The following CBFA2T2 variants were observed in gnomAD, a reference collection of about 807,000 sequenced individuals.
CBFA2T2 encodes the protein protein CBFA2T2.
A neutral mutation model predicts 62.2 loss-of-function variants in CBFA2T2; 11 were observed. The observed-to-expected ratio is 0.18, with a 90% CI of 0.11 to 0.29. The LOEUF (loss-of-function observed/expected upper bound fraction) is 0.29. Among genes scored for constraint, CBFA2T2 ranks in the 10% least tolerant of loss-of-function variants. The pLI is 1.00. For missense variants in CBFA2T2, 592 were observed against 774.1 expected (o/e 0.76, Z 2.79); for synonymous variants, 295 against 287.5 (o/e 1.03, Z -0.27).
intron 1 of CBFA2T2, among the ~76,000 whole-genome samples, chr20:33,523,921 T>C (rs1431913706): frequency 1.3e-5 from 2 of 152,050 alleles, no homozygotes; most frequent in East Asian, 3.8e-4. Context: ...TGACCTGAGG[T>C]GATCCGCCCG....
At chr20:33,545,477 C>T (rs1004479228) in intron 1 of CBFA2T2, among the ~76,000 whole-genome samples, 8 of 151,920 alleles carry the variant, frequency 5.3e-5, no homozygotes, top group Non-Finnish European at 8.8e-5. Context: ...TTCTTTCGTT[C>T]GTTTGTTTTC....
intron 1 of CBFA2T2, among the ~76,000 whole-genome samples, chr20:33,537,530 A>AGAGCTC (rs1236127777): frequency 6.6e-6 from 1 of 152,132 alleles, no homozygotes. Context: ...AGGGAGAGGG[A>AGAGCTC]GAGCTCTTTT....
chr20:33,523,926 C>G (rs901884425), intron 1 of CBFA2T2, among the ~76,000 whole-genome samples: 2 of 152,046 alleles, frequency 1.3e-5, no homozygotes, highest in South Asian at 4.1e-4. Context: ...TGAGGTGATC[C>G]GCCCGCCTCG....
intron 2 of CBFA2T2, among the ~76,000 whole-genome samples, chr20:33,610,334 C>T (rs1426387718): frequency 6.6e-6 from 1 of 152,042 alleles, no homozygotes; most frequent in Non-Finnish European, 1.5e-5. Context: ...AAAACCATAG[C>T]TCTAGGGTTG....
At chr20:33,642,074 C>T (rs1269345218) in intron 10 of CBFA2T2, among the ~76,000 whole-genome samples, 7 of 151,054 alleles carry the variant, frequency 4.6e-5, no homozygotes, top group Non-Finnish European at 7.4e-5. Flanking sequence ...CTTTAATCCC[C>T]CTCCCTTTTC....
At chr20:33,609,372 C>T (rs763808779) in intron 2 of CBFA2T2, among the ~76,000 whole-genome samples, 20 of 151,880 alleles carry the variant, frequency 1.3e-4, no homozygotes, top group African/African-American at 3.4e-4. Context: ...TGTGGTGGTG[C>T]GTGCCTGTAA....
intron 9 of CBFA2T2, chr20:33,638,658 C>G (rs2016715273): frequency 6.6e-6 from 1 of 152,174 alleles, no homozygotes; most frequent in Non-Finnish European, 1.5e-5. Context: ...TGAGCCTGTG[C>G]CATGTGCAAG....
chr20:33,599,248 A>G (rs187303558), intron 1 of CBFA2T2, among the ~76,000 whole-genome samples: 92 of 148,484 alleles, frequency 6.2e-4, no homozygotes, highest in African/African-American at 2.2e-3. Flanking sequence ...GGCGACAGTG[A>G]GACTCTGTCT....
At chr20:33,532,171 T>C (rs1223027027) in intron 1 of CBFA2T2, among the ~76,000 whole-genome samples, 1 of 152,182 alleles carries the variant, frequency 6.6e-6, no homozygotes, top group Non-Finnish European at 1.5e-5. Context: ...CTTTTCCCCA[T>C]TTTTAGCTCC....
intron 1 of CBFA2T2, among the ~76,000 whole-genome samples, chr20:33,579,550 G>A (rs902620946): frequency 1.0e-4 from 15 of 149,034 alleles, no homozygotes; most frequent in African/African-American, 2.2e-4. Flanking sequence ...AACCCATCAC[G>A]AATCTTTTTT....
chr20:33,520,342 C>A (rs1001311621), intron 1 of CBFA2T2, among the ~76,000 whole-genome samples: 1 of 152,142 alleles, frequency 6.6e-6, no homozygotes, highest in African/African-American at 2.4e-5. Flanking sequence ...ATATATCTTT[C>A]ATTTGATTGC....
chr20:33,644,504 C>A lies in CBFA2T2; in HGVS notation c.1646C>A (p.Pro549Gln). Residue 549 changes from proline (P) to glutamine (Q), a missense_variant, in exon 11 of 11, where the codon CCG becomes CAG. Pro to Gln is a moderately conservative substitution (Grantham distance 76). Around this residue, in one of 3 missense-constraint regions of CBFA2T2, gnomAD observed 85 missense variants for 99.0 expected, o/e 0.86. Coordinates refer to ENST00000342704, the MANE Select transcript of CBFA2T2 (RefSeq NM_001032999.3). ...CAGAGCCCCCACGGCCAGGGCCGGC[C>A]GCTGCTTCCTGTAGGCAGGGGCTCC... Reference protein sequence around the residue: ...HGQSPHGQGRPLLPVGRGSSA... With the variant: ...HGQSPHGQGRQLLPVGRGSSA... 6.2e-7 allele frequency: 1 copy of A among 1,614,100 alleles called. No individual in the cohort carries two copies. Among genetic ancestry groups the A allele is most frequent in the African/African-American group, 1.3e-5 (1 of 75,074 alleles).
chr20:33,628,160 T>C (rs543616768), intron 6 of CBFA2T2, among the ~76,000 whole-genome samples, 190 bp from the exon 7 acceptor site: 1 of 152,368 alleles, frequency 6.6e-6, no homozygotes, highest in East Asian at 1.9e-4. Context: ...TTGTTGGAGT[T>C]TTTTATATAA....
chr20:33,583,843 T>G (rs779634685), intron 1 of CBFA2T2, among the ~76,000 whole-genome samples: 1 of 152,228 alleles, frequency 6.6e-6, no homozygotes, highest in Non-Finnish European at 1.5e-5. Context: ...CATGCCACAC[T>G]GTGAACTTGC....
At chr20:33,570,091 CA>C (rs2013485841) in intron 1 of CBFA2T2, among the ~76,000 whole-genome samples, 1 of 152,090 alleles carries the variant, frequency 6.6e-6, no homozygotes, top group African/African-American at 2.4e-5. Context: ...CTAGCCTATC[CA>C]AAATGGTGAA....
intron 1 of CBFA2T2, among the ~76,000 whole-genome samples, chr20:33,578,658 T>A (rs1313445880): frequency 6.6e-6 from 1 of 152,136 alleles, no homozygotes; most frequent in African/African-American, 2.4e-5. Flanking sequence ...TTTGGATGAC[T>A]TGGGAGCTTA....
intron 8 of CBFA2T2, among the ~76,000 whole-genome samples, chr20:33,632,556 C>T (rs1210157240): frequency 6.7e-6 from 1 of 149,226 alleles, no homozygotes. Context: ...GCAACCTCTG[C>T]GTCCTGGATT....
intron 1 of CBFA2T2, among the ~76,000 whole-genome samples, chr20:33,603,261 A>G (rs559590472): frequency 2.6e-5 from 4 of 152,330 alleles, no homozygotes; most frequent in African/African-American, 7.2e-5. Flanking sequence ...TATCACTGCT[A>G]TCACACAGAG....
intron 1 of CBFA2T2, among the ~76,000 whole-genome samples, chr20:33,533,701 T>C (rs1252760646): frequency 2.6e-5 from 4 of 151,644 alleles, no homozygotes; most frequent in African/African-American, 9.7e-5. Flanking sequence ...GAACCGGGCG[T>C]GGTGGCTCAT....
Sources: gnomAD v4.1 joint callset for allele counts (sites outside exome capture counted in the v4.1 genomes callset) on GRCh38, gnomAD v4.1.1 for gene constraint, gnomAD v4.1.1 regional missense constraint, MANE v1.5 for transcripts, NCBI Gene and HGNC (gene_info 2026-07-23, HGNC 2026-07-21) for gene names.